The following SGIP1 variants were observed in gnomAD, a reference collection of about 807,000 sequenced individuals.
The protein encoded by SGIP1 is SH3GL interacting endocytic adaptor 1.
A neutral mutation model predicts 107.5 loss-of-function variants in SGIP1; 38 were observed. The ratio of observed to expected loss-of-function variants is 0.35; its 90% CI spans 0.27 to 0.46. The LOEUF (loss-of-function observed/expected upper bound fraction) is 0.46. Among genes scored for constraint, SGIP1 ranks in the 20% least tolerant of loss-of-function variants. SGIP1 has a pLI of 1.00. For synonymous variants in SGIP1, 365 were observed against 366.1 expected, an observed-to-expected ratio of 1.00 and a Z score of 0.03; for missense variants, 929 against 1,019.5, an observed-to-expected ratio of 0.91 and a Z score of 1.21.
intron 7 of SGIP1, among the ~76,000 whole-genome samples, chr1:66,651,543 AT>A (rs1452772581): frequency 1.3e-5 from 2 of 148,370 alleles, no homozygotes; most frequent in African/African-American, 5.0e-5. Context: ...CAATTTCTGA[AT>A]GCTCACATGA....
At chr1:66,631,100 A>AAAGAAAGAAAGAAAG (rs149222467) in intron 2 of SGIP1, among the ~76,000 whole-genome samples, 90 of 131,332 alleles carry the variant, frequency 6.9e-4, no homozygotes, top group East Asian at 3.7e-3. Context: ...AGAAAGAAAG[A>AAAGAAAGAAAGAAAG]AAAAAAGAAA....
intron 1 of SGIP1, among the ~76,000 whole-genome samples, chr1:66,619,074 C>T (rs544192857): frequency 7.2e-5 from 11 of 152,256 alleles, no homozygotes; most frequent in African/African-American, 2.4e-4. Flanking sequence ...TCCTAAAGAG[C>T]GGTCATTGCC....
intron 2 of SGIP1, among the ~76,000 whole-genome samples, chr1:66,627,423 G>T (rs2073125785): frequency 6.6e-6 from 1 of 152,120 alleles, no homozygotes; most frequent in African/African-American, 2.4e-5. Flanking sequence ...TGTGATAATG[G>T]AAGGCAAGGC....
chr1:66,594,877 G>GC (rs568688231), intron 1 of SGIP1, among the ~76,000 whole-genome samples: 222 of 152,222 alleles, frequency 1.5e-3, no homozygotes, highest in African/African-American at 5.1e-3. Flanking sequence ...TTACCACTCT[G>GC]CTTGTCACTT....
intron 1 of SGIP1, among the ~76,000 whole-genome samples, chr1:66,590,166 C>T (rs2063389505): frequency 6.6e-6 from 1 of 152,176 alleles, no homozygotes; most frequent in African/African-American, 2.4e-5. Flanking sequence ...AATTTTCATA[C>T]TCATTTTGAG....
chr1:66,647,637 T>C (rs2077881560), intron 7 of SGIP1, among the ~76,000 whole-genome samples: 1 of 152,212 alleles, frequency 6.6e-6, no homozygotes, highest in Non-Finnish European at 1.5e-5. Flanking sequence ...TTTTAAAATA[T>C]TCCCAGTACC....
chr1:66,673,981 AT>A (rs1329573341), intron 12 of SGIP1, among the ~76,000 whole-genome samples: 1 of 132,998 alleles, frequency 7.5e-6, no homozygotes, highest in Non-Finnish European at 1.6e-5. Context: ...CCTGGACAAC[AT>A]ACGGAGACCC....
chr1:66,570,421 G>A (rs921767609), intron 1 of SGIP1, among the ~76,000 whole-genome samples: 6 of 151,812 alleles, frequency 4.0e-5, no homozygotes, highest in Non-Finnish European at 5.9e-5. Flanking sequence ...TGTGAACTGT[G>A]TAAAATACTT....
chr1:66,687,123 T>C (rs1188197958), intron 15 of SGIP1, among the ~76,000 whole-genome samples: 3 of 152,070 alleles, frequency 2.0e-5, no homozygotes, highest in Admixed American at 2.0e-4. Flanking sequence ...CTAAAAGGAG[T>C]TTAAATTTCT....
chr1:66,709,001 T>TG (rs2092718553), intron 18 of SGIP1, among the ~76,000 whole-genome samples: 1 of 152,070 alleles, frequency 6.6e-6, no homozygotes, highest in Non-Finnish European at 1.5e-5. Context: ...CTGTTTGTTT[T>TG]TGTTTGTTTT....
chr1:66,545,652 G>C (rs1041433844), intron 1 of SGIP1, among the ~76,000 whole-genome samples: 2 of 151,712 alleles, frequency 1.3e-5, no homozygotes, highest in Middle Eastern at 3.2e-3. Context: ...GTGTGTGTGT[G>C]TGTGTGTGTG....
chr1:66,687,858 T>C (rs1439357668), intron 15 of SGIP1, among the ~76,000 whole-genome samples: 1 of 152,164 alleles, frequency 6.6e-6, no homozygotes, highest in Non-Finnish European at 1.5e-5. Flanking sequence ...TTAGTAGGTT[T>C]CACACGAATG....
chr1:66,618,434 C>A (rs908950506), intron 1 of SGIP1, among the ~76,000 whole-genome samples: 7 of 152,176 alleles, frequency 4.6e-5, no homozygotes, highest in African/African-American at 1.7e-4. Flanking sequence ...CACTAAGCAG[C>A]TTTTTAAGAA....
chr1:66,628,858 A>G (rs1238558994), intron 2 of SGIP1, among the ~76,000 whole-genome samples: 1 of 152,224 alleles, frequency 6.6e-6, no homozygotes, highest in Non-Finnish European at 1.5e-5. Context: ...TTAACTTATC[A>G]TTTGAGAGTC....
intron 1 of SGIP1, among the ~76,000 whole-genome samples, chr1:66,608,382 A>G (rs1287199944): frequency 1.3e-5 from 2 of 151,834 alleles, no homozygotes; most frequent in Non-Finnish European, 2.9e-5. Context: ...TAATATGTGT[A>G]TATATATTCT....
At chr1:66,594,475 A>G (rs982311497) in intron 1 of SGIP1, among the ~76,000 whole-genome samples, 1 of 152,164 alleles carries the variant, frequency 6.6e-6, no homozygotes, top group Non-Finnish European at 1.5e-5. Context: ...TTGGTTCACA[A>G]CTAAGCAAAG....
intron 1 of SGIP1, among the ~76,000 whole-genome samples, chr1:66,618,083 C>T (rs2069878367): frequency 6.6e-6 from 1 of 152,176 alleles, no homozygotes; most frequent in Admixed American, 6.5e-5. Flanking sequence ...TAAGAAAATT[C>T]CTGATAAATT....
intron 1 of SGIP1, among the ~76,000 whole-genome samples, chr1:66,565,900 A>G (rs1246142006): frequency 6.6e-6 from 1 of 152,022 alleles, no homozygotes; most frequent in African/African-American, 2.4e-5. Flanking sequence ...TTTCTAGAAG[A>G]AAGTAGAAAG....
At chr1:66,618,163 A>T (rs929976139) in intron 1 of SGIP1, among the ~76,000 whole-genome samples, 1 of 152,210 alleles carries the variant, frequency 6.6e-6, no homozygotes, top group African/African-American at 2.4e-5. Flanking sequence ...TTTGAGCTAA[A>T]TTGAGTTTTT....
Sources: allele counts gnomAD v4.1 joint callset (sites outside exome capture counted in the v4.1 genomes callset), GRCh38; gene constraint gnomAD v4.1.1; transcripts MANE v1.5; gene names NCBI Gene and HGNC (gene_info 2026-07-23, HGNC 2026-07-21).